MED12L: variants seen among roughly 807,000 people sequenced by gnomAD.
MED12L encodes the protein mediator complex subunit 12L.
MED12L carries 60 observed loss-of-function variants against 281.3 expected under a neutral mutation model. The ratio of observed to expected loss-of-function variants is 0.21; its 90% CI spans 0.17 to 0.26. The LOEUF (loss-of-function observed/expected upper bound fraction) is 0.26. MED12L is among the 10% of genes least tolerant of loss of function. The pLI, the probability that MED12L is intolerant of heterozygous loss-of-function variation, is 1.00. For missense variants in MED12L, 2,146 were observed against 2,680.9 expected (o/e 0.80, Z 4.41); for synonymous variants, 974 against 987.2 (o/e 0.99, Z 0.25).
intron 39 of MED12L, among the ~76,000 whole-genome samples, chr3:151,398,073 A>C (rs140196540): frequency 6.6e-6 from 1 of 152,172 alleles, no homozygotes; most frequent in Non-Finnish European, 1.5e-5. Flanking sequence ...ACACGGTACA[A>C]TCTGTGAGCT....
chr3:151,367,411 A>C (rs1755419329), intron 23 of MED12L, among the ~76,000 whole-genome samples: 1 of 152,210 alleles, frequency 6.6e-6, no homozygotes, highest in East Asian at 1.9e-4. Context: ...CATGTATGCA[A>C]GTCAAAGCTC....
intron 2 of MED12L, among the ~76,000 whole-genome samples, chr3:151,100,041 G>A (rs948672860): frequency 6.6e-6 from 1 of 152,166 alleles, no homozygotes; most frequent in Non-Finnish European, 1.5e-5. Context: ...AGCTCCATTT[G>A]CCTCCTCTTA....
rs199959126 is a variant in MED12L, at chr3:151,338,833, C to T, written c.2251-11226C>T. The T allele has an allele frequency of 5.0e-6, 8 of 1,613,420 alleles. No individual in the cohort carries two copies. Among genetic ancestry groups the T allele is most frequent in the Non-Finnish European group, 5.9e-6 (7 of 1,179,622 alleles). On this transcript the variant is annotated intron_variant, in intron 16 of 44. Coordinates refer to ENST00000687756, the MANE Select transcript of MED12L (RefSeq NM_001393769.1). Reference sequence around the variant, plus strand: ...TTACCAGGCGCAGAGGTGAGGTTGTCGACGGCTTGCATTTCTTGTTGGTTA... The same window carrying T: ...TTACCAGGCGCAGAGGTGAGGTTGTTGACGGCTTGCATTTCTTGTTGGTTA...
intron 27 of MED12L, among the ~76,000 whole-genome samples, chr3:151,375,676 G>A (rs942879257): frequency 5.9e-5 from 9 of 152,042 alleles, no homozygotes; most frequent in African/African-American, 1.9e-4. Context: ...TATGAAGAAC[G>A]TATATCTGAT....
chr3:151,161,380 C>T (rs1163527941), intron 8 of MED12L, among the ~76,000 whole-genome samples: 3 of 152,006 alleles, frequency 2.0e-5, no homozygotes, highest in Non-Finnish European at 4.4e-5. Flanking sequence ...TTTGGCTGTT[C>T]AAAAACCCAA....
intron 16 of MED12L, among the ~76,000 whole-genome samples, chr3:151,270,711 CA>C: frequency 6.6e-6 from 1 of 152,252 alleles, no homozygotes; most frequent in African/African-American, 2.4e-5. Flanking sequence ...TGTATTTTGA[CA>C]ACATGGCTTC....
At chr3:151,204,969 AG>A (rs1726150733) in intron 16 of MED12L, among the ~76,000 whole-genome samples, 1 of 152,226 alleles carries the variant, frequency 6.6e-6, no homozygotes. Context: ...CCTTGTTCTC[AG>A]AGTTCTATTT....
intron 35 of MED12L, 21 bp from the exon 36 acceptor site, chr3:151,385,009 C>G: frequency 7.8e-7 from 1 of 1,286,448 alleles, no homozygotes; most frequent in Non-Finnish European, 1.1e-6. Context: ...CTCACTCTCT[C>G]TCTCTCTCTT....
intron 5 of MED12L, among the ~76,000 whole-genome samples, chr3:151,134,272 C>T (rs1185934574): frequency 6.6e-6 from 1 of 150,878 alleles, no homozygotes; most frequent in Non-Finnish European, 1.5e-5. Flanking sequence ...TTCTGTTGTG[C>T]AGTGATACAG....
chr3:151,360,042 G>A (rs1754418615), intron 20 of MED12L, among the ~76,000 whole-genome samples: 1 of 152,150 alleles, frequency 6.6e-6, no homozygotes, highest in Admixed American at 6.6e-5. Context: ...ACTTGAAAAT[G>A]GGTTTTCCAG....
At chr3:151,183,788 A>G (rs1722964423) in intron 11 of MED12L, among the ~76,000 whole-genome samples, 1 of 152,244 alleles carries the variant, frequency 6.6e-6, no homozygotes, top group Admixed American at 6.5e-5. Context: ...TGTTTCTTGT[A>G]GCACATTTTA....
At chr3:151,139,041 T>C (rs1716556271) in intron 5 of MED12L, among the ~76,000 whole-genome samples, 1 of 151,922 alleles carries the variant, frequency 6.6e-6, no homozygotes, top group South Asian at 2.1e-4. Context: ...TTAATGTATG[T>C]ATGTATTCAA....
chr3:151,351,039 A>T (rs1017718302), intron 17 of MED12L, among the ~76,000 whole-genome samples: 2 of 152,124 alleles, frequency 1.3e-5, no homozygotes, highest in Admixed American at 6.5e-5. Context: ...GTTTGTGTTT[A>T]CTCTATGTAA....
intron 16 of MED12L, among the ~76,000 whole-genome samples, chr3:151,257,407 A>G (rs1376468519): frequency 6.6e-6 from 1 of 152,248 alleles, no homozygotes; most frequent in African/African-American, 2.4e-5. Flanking sequence ...CATTGTCTCC[A>G]GAATAGATTG....
Position 151,365,076 on chromosome 3 carries a change from G to C in MED12L, c.3055G>C (p.Glu1019Gln), listed in dbSNP as rs147847530. ...TCCAGACTTCATGATGGATTTTATT[G>C]AGAATCCCTCAGCCCGCAGCATCAA... ...WDPDFMMDFI[E>Q]NPSARSINYS... Residue 1019 changes from glutamate to glutamine, a missense_variant, in exon 22 of 45, where the codon GAG becomes CAG. Coordinates refer to ENST00000687756, the MANE Select transcript of MED12L (RefSeq NM_001393769.1). 6.2e-7 allele frequency: 1 copy of C among 1,613,854 alleles called. No homozygotes were observed. Among genetic ancestry groups the C allele is most frequent in the Non-Finnish European group, 8.5e-7 (1 of 1,179,936 alleles).
intron 16 of MED12L, among the ~76,000 whole-genome samples, chr3:151,239,310 C>G (rs778687029): frequency 9.9e-5 from 15 of 152,156 alleles, no homozygotes; most frequent in Non-Finnish European, 1.6e-4. Flanking sequence ...TCCAATATTG[C>G]AATCATGCTT....
chr3:151,432,923 A>T lies in MED12L; in HGVS notation c.*119A>T. ...TTTCATTTCTTTGACATTTTACTAT[A>T]TTTTATGCTACATCTCACAAAAAAA... is the stretch of plus-strand genomic sequence containing the variant. On this transcript the variant is annotated 3_prime_UTR_variant, in exon 45 of 45. Transcript: ENST00000687756. 1 of 710,536 alleles carries T rather than the reference A, an allele frequency of 1.4e-6. No individual in the cohort carries two copies. Among genetic ancestry groups the T allele is most frequent in the Non-Finnish European group, 2.2e-6 (1 of 454,532 alleles). 44.0% of individuals were successfully genotyped at this position (710,536 alleles called of 1,614,324 possible).
chr3:151,291,440 A>G (rs1301229693), intron 16 of MED12L, among the ~76,000 whole-genome samples: 1 of 152,172 alleles, frequency 6.6e-6, no homozygotes, highest in Non-Finnish European at 1.5e-5. Context: ...GATTTTCTAC[A>G]AGATCAGTTT....
At chr3:151,350,928 T>C (rs1753157589) in intron 17 of MED12L, among the ~76,000 whole-genome samples, 1 of 152,224 alleles carries the variant, frequency 6.6e-6, no homozygotes, top group Non-Finnish European at 1.5e-5. Context: ...GTTTGTTTAT[T>C]TCATTAGGCA....
Sources: allele counts gnomAD v4.1 joint callset (sites outside exome capture counted in the v4.1 genomes callset), GRCh38; gene constraint gnomAD v4.1.1; transcripts MANE v1.5; gene names NCBI Gene and HGNC (gene_info 2026-07-23, HGNC 2026-07-21).